MRPL3: variants seen among roughly 807,000 people sequenced by gnomAD.
MRPL3 encodes the protein large ribosomal subunit protein uL3m.
Under a neutral mutation model 44.3 loss-of-function variants are expected in MRPL3, and 43 were observed. That is an observed-to-expected ratio of 0.97 (90% CI 0.76 to 1.25). The LOEUF is 1.25. MRPL3 is among the 50% of genes most tolerant of loss of function. The pLI is 0.00. For synonymous variants in MRPL3, 171 were observed against 152.3 expected, an observed-to-expected ratio of 1.12 and a Z score of -0.91; for missense variants, 406 against 427.6, an observed-to-expected ratio of 0.95 and a Z score of 0.45.
At chr3:131,492,548 C>T (rs1032908424) in intron 4 of MRPL3, among the ~76,000 whole-genome samples, 1 of 152,134 alleles carries the variant, frequency 6.6e-6, no homozygotes, top group Admixed American at 6.5e-5. Context: ...GTTTGCGCTC[C>T]TATAAGAATC....
chr3:131,493,852 T>A (rs1934308434), intron 4 of MRPL3, among the ~76,000 whole-genome samples: 1 of 152,232 alleles, frequency 6.6e-6, no homozygotes. Flanking sequence ...TAAAAAACCC[T>A]AACCAACTCA....
rs1384543371 is a variant in MRPL3, at chr3:131,462,623, T to C, written c.*100A>G. On this transcript the variant is annotated 3_prime_UTR_variant, in exon 10 of 10. Transcript: ENST00000264995. ...GACAAAGATGACATGTGTGATTTTG[T>C]TGTGACTAAGAAAGGAGAGTATGAT... 3.4e-6 allele frequency: 4 copies of C among 1,163,480 alleles called. No homozygotes were observed. The highest frequency in any genetic ancestry group is 2.5e-5 in the East Asian group (1 of 40,548). The allele number at this position is 1,163,480 out of a possible 1,614,324, so 72.1% of individuals were successfully genotyped here. A position where few individuals can be genotyped will look rare whatever the true frequency, so the allele number is the denominator to read the frequency against.
intron 6 of MRPL3, among the ~76,000 whole-genome samples, chr3:131,485,478 C>A (rs2110707083): frequency 6.6e-6 from 1 of 152,190 alleles, no homozygotes; most frequent in East Asian, 1.9e-4. Flanking sequence ...CAAAAATTAA[C>A]AAGTAAAATA....
chr3:131,480,062 T>C (rs953264687), intron 6 of MRPL3, among the ~76,000 whole-genome samples: 3 of 152,238 alleles, frequency 2.0e-5, no homozygotes, highest in Admixed American at 6.5e-5. Context: ...ATATTACATG[T>C]ATATAAAAGG....
chr3:131,495,253 A>C (rs2110713459), intron 4 of MRPL3, among the ~76,000 whole-genome samples: 1 of 152,236 alleles, frequency 6.6e-6, no homozygotes, highest in Admixed American at 6.5e-5. Context: ...TGAGAGCTAT[A>C]ATATGGAAGT....
chr3:131,484,581 GA>G (rs202175720), intron 6 of MRPL3, among the ~76,000 whole-genome samples: 1 of 150,690 alleles, frequency 6.6e-6, no homozygotes, highest in Non-Finnish European at 1.5e-5. Context: ...GTTTAAAAAA[GA>G]AAAAAAAAGT....
Position 131,501,541 on chromosome 3 carries a change from AG to A in MRPL3, c.266del (p.Pro89LeufsTer14), listed in dbSNP as rs756081905. On this transcript the variant is annotated frameshift_variant, in exon 2 of 10. Transcript: ENST00000264995. LOFTEE classifies it high-confidence loss of function. ...PLKDEPWPIH[P>X]WEPGSFRVGL... The stretch of plus-strand genomic sequence containing the variant: ...ATACAAAATAATCACCTGGTTCCCA[AG>A]GATGTATAGGCCATGGTTCATCTTT... 1.2e-5 allele frequency: 19 copies of A among 1,610,436 alleles called. No individual in the cohort carries two copies. The highest frequency in any genetic ancestry group is 1.2e-5 in the Non-Finnish European group (14 of 1,179,280).
Position 131,501,667 on chromosome 3 carries a change from T to C in MRPL3, c.141A>G (p.Thr47=). 1 of 1,613,918 alleles carries C rather than the reference T, an allele frequency of 6.2e-7. No individual in the cohort carries two copies. The highest frequency in any genetic ancestry group is 8.5e-7 in the Non-Finnish European group (1 of 1,179,986). The part of the protein sequence containing the change: ...FVRGLHGKSG[T]WWDEHLSEEN... ...CTTCAGAAAGATGCTCATCCCACCA[T>C]GTACCACTCTTTCCATGAAGACCTC... The change falls in exon 2 of 10, where the codon ACA becomes ACG. Residue 47 remains threonine (T), a synonymous_variant. Coordinates refer to ENST00000264995, the MANE Select transcript of MRPL3 (RefSeq NM_007208.4).
chr3:131,470,023 C>G (rs964711979), intron 7 of MRPL3, among the ~76,000 whole-genome samples: 1 of 151,904 alleles, frequency 6.6e-6, no homozygotes, highest in African/African-American at 2.4e-5. Flanking sequence ...AACTCAGCAA[C>G]AACGGACCTA....
At chr3:131,500,204 C>A (rs1934463128) in intron 3 of MRPL3, among the ~76,000 whole-genome samples, 1 of 152,100 alleles carries the variant, frequency 6.6e-6, no homozygotes, top group Non-Finnish European at 1.5e-5. Flanking sequence ...AAAAAAAATT[C>A]ATTGCTCCAG....
At chr3:131,463,448 G>T (rs1424846184) in intron 9 of MRPL3, among the ~76,000 whole-genome samples, 1 of 151,334 alleles carries the variant, frequency 6.6e-6, no homozygotes, top group African/African-American at 2.4e-5. Context: ...TCAAATTTGG[G>T]TAAGGGCCTT....
intron 6 of MRPL3, among the ~76,000 whole-genome samples, chr3:131,481,806 C>T (rs1933994622): frequency 6.6e-6 from 1 of 152,156 alleles, no homozygotes; most frequent in African/African-American, 2.4e-5. Flanking sequence ...TTCACTAATA[C>T]GTTAAAAACG....
At chr3:131,485,756 AAGCAGCC>A (rs1198404733) in intron 6 of MRPL3, among the ~76,000 whole-genome samples, 1 of 152,218 alleles carries the variant, frequency 6.6e-6, no homozygotes, top group Non-Finnish European at 1.5e-5. Flanking sequence ...AAGGTTATTA[AAGCAGCC>A]AGCAGCTTTT....
chr3:131,488,196 G>T (rs996299109), intron 5 of MRPL3, among the ~76,000 whole-genome samples: 1 of 152,150 alleles, frequency 6.6e-6, no homozygotes, highest in Non-Finnish European at 1.5e-5. Flanking sequence ...ATCATGGTAT[G>T]TATGACATCT....
chr3:131,487,003 CAT>C (rs1322920338), intron 6 of MRPL3: 3 of 152,282 alleles, frequency 2.0e-5, no homozygotes, highest in East Asian at 1.9e-4. Context: ...CACATGCACA[CAT>C]ATGTTTATTG....
chr3:131,462,885 G>C lies in MRPL3; in HGVS notation c.895-10C>G, dbSNP rs1331217833. On this transcript the variant is annotated splice_polypyrimidine_tract_variant and intron_variant, in intron 9 of 9. Coordinates refer to ENST00000264995, the MANE Select transcript of MRPL3 (RefSeq NM_007208.4). Reference sequence around the variant, plus strand: ...GTTTAGAATCTTTGACCTGAGAGAAGGCAAAAATCTTAGTGAAACCAATTA... The same window carrying C: ...GTTTAGAATCTTTGACCTGAGAGAACGCAAAAATCTTAGTGAAACCAATTA... The C allele has an allele frequency of 1.3e-6, 2 of 1,595,488 alleles. No individual in the cohort carries two copies. The highest frequency in any genetic ancestry group is 2.2e-5 in the East Asian group (1 of 44,454).
Position 131,485,196 on chromosome 3 carries a change from C to G in MRPL3, c.629+2484G>C, listed in dbSNP as rs113480156. On this transcript the variant is annotated intron_variant, in intron 6 of 9. Coordinates refer to ENST00000264995, the MANE Select transcript of MRPL3 (RefSeq NM_007208.4). ...TTACTTTATGCTTACAAGAAGGCAG[C>G]TGAAGTTTTAAAAATCACTTTAAAG... Among the ~76,000 whole-genome samples, 270 of 152,226 alleles carry G rather than the reference C, an allele frequency of 1.8e-3. 2 individuals are homozygous for G. Among genetic ancestry groups the G allele is most frequent in the African/African-American group, 6.0e-3 (251 of 41,542 alleles).
intron 4 of MRPL3, 156 bp downstream of exon 4, chr3:131,498,023 G>A (rs1434262290): frequency 1.6e-6 from 1 of 641,222 alleles, no homozygotes; most frequent in Non-Finnish European, 2.8e-6. Context: ...AGACTCCTGG[G>A]CAAAATGGCT....
intron 6 of MRPL3, among the ~76,000 whole-genome samples, chr3:131,480,171 A>T (rs1348123477): frequency 6.6e-6 from 1 of 152,186 alleles, no homozygotes; most frequent in Non-Finnish European, 1.5e-5. Context: ...GCTTCTCCTC[A>T]TTTCAGCAAA....
Sources: allele counts gnomAD v4.1 joint callset (sites outside exome capture counted in the v4.1 genomes callset), GRCh38; gene constraint gnomAD v4.1.1; transcripts MANE v1.5; gene names NCBI Gene and HGNC (gene_info 2026-07-23, HGNC 2026-07-21).